The following CCBE1 variants were observed in gnomAD, a reference collection of about 807,000 sequenced individuals.
CCBE1 encodes the protein collagen and calcium-binding EGF domain-containing protein 1.
In CCBE1, 37 loss-of-function variants were observed where a neutral mutation model predicts 50.0. The ratio of observed to expected loss-of-function variants is 0.74; its 90% CI spans 0.57 to 0.97. The LOEUF is 0.97. CCBE1 is among the 50% of genes least tolerant of loss of function. The probability of loss-of-function intolerance (pLI) is 0.00; values close to 1 mark genes in which losing one functional copy is unlikely to be tolerated. For synonymous variants in CCBE1, 234 were observed against 203.7 expected (o/e 1.15, Z -1.27); for missense variants, 538 against 523.8 (o/e 1.03, Z -0.26).
At chr18:59,452,767 C>T (rs781614745) in intron 6 of CCBE1, among the ~76,000 whole-genome samples, 10 of 152,152 alleles carry the variant, frequency 6.6e-5, no homozygotes, top group African/African-American at 1.2e-4. Flanking sequence ...CTGGATATAA[C>T]GCTTTCTGGG....
rs571267258 is a variant in CCBE1, at chr18:59,575,811, T to A, written c.213-95573A>T. Among the ~76,000 whole-genome samples the A allele has an allele frequency of 2.6e-5, 4 of 152,286 alleles. No homozygotes were observed. The East Asian group carries it at 7.7e-4, about 29-fold the overall frequency. On this transcript the variant is annotated intron_variant, in intron 2 of 10. Coordinates refer to ENST00000439986, the MANE Select transcript of CCBE1 (RefSeq NM_133459.4). ...CTACAATTCTCATGCCCAGAGCAGG[T>A]CATACTGGGTAAGAGCCCCTCCCAC...
chr18:59,435,823 TC>T lies in CCBE1; in HGVS notation c.*84del. 1.7e-6 allele frequency: 2 copies of T among 1,154,472 alleles called. No individual in the cohort carries two copies. Among genetic ancestry groups the T allele is most frequent in the Non-Finnish European group, 2.6e-6 (2 of 760,994 alleles). 71.5% of individuals were successfully genotyped at this position (1,154,472 alleles called of 1,614,324 possible). A position where few individuals can be genotyped will look rare whatever the true frequency, so the allele number is the denominator to read the frequency against. ...GAGAAAAATGTATGTTTTCTAGGTC[TC>T]CAGTGGTCTTTCTTCTCTTTAGATG... On this transcript the variant is annotated 3_prime_UTR_variant, in exon 11 of 11. Coordinates refer to ENST00000439986, the MANE Select transcript of CCBE1 (RefSeq NM_133459.4).
chr18:59,696,806 C>T (rs1019464756), intron 1 of CCBE1, 97 bp from the exon 2 acceptor site: 4 of 1,320,276 alleles, frequency 3.0e-6, no homozygotes, highest in East Asian at 2.3e-5. Context: ...GATCGCCAGG[C>T]TCCCCGTCCC....
intron 2 of CCBE1, among the ~76,000 whole-genome samples, chr18:59,651,719 G>A (rs60540303): frequency 0.013 from 2,056 of 152,336 alleles, 56 homozygotes; most frequent in African/African-American, 0.047. Flanking sequence ...AACTAGTGAT[G>A]TGGCGGTGTG....
chr18:59,550,810 C>T (rs760081659), intron 2 of CCBE1, among the ~76,000 whole-genome samples: 2 of 151,738 alleles, frequency 1.3e-5, no homozygotes, highest in African/African-American at 2.4e-5. Flanking sequence ...AGGAGGATCA[C>T]GAAGTCAGGA....
At chr18:59,473,653 C>G (rs977727820) in intron 3 of CCBE1, among the ~76,000 whole-genome samples, 2 of 150,210 alleles carry the variant, frequency 1.3e-5, no homozygotes, top group African/African-American at 4.9e-5. Flanking sequence ...CCTTCCAACC[C>G]TCCCACTATT....
chr18:59,473,461 C>T (rs375137587), intron 3 of CCBE1, among the ~76,000 whole-genome samples: 3 of 152,250 alleles, frequency 2.0e-5, no homozygotes, highest in African/African-American at 7.2e-5. Flanking sequence ...AAATTAATAT[C>T]CTTCAATTCT....
At chr18:59,674,458 G>A (rs2054472672) in intron 2 of CCBE1, among the ~76,000 whole-genome samples, 1 of 152,102 alleles carries the variant, frequency 6.6e-6, no homozygotes, top group South Asian at 2.1e-4. Context: ...ATCACACACT[G>A]GGGCCTGTCG....
chr18:59,542,227 T>C (rs1915497162), intron 2 of CCBE1, among the ~76,000 whole-genome samples: 1 of 151,280 alleles, frequency 6.6e-6, no homozygotes, highest in African/African-American at 2.4e-5. Flanking sequence ...AGAACTATGC[T>C]TTCTCAGTGC....
intron 2 of CCBE1, among the ~76,000 whole-genome samples, chr18:59,657,153 G>A (rs546479802): frequency 2.0e-5 from 3 of 152,252 alleles, no homozygotes; most frequent in East Asian, 1.9e-4. Context: ...AATTGCATGC[G>A]TATGCTACAA....
At chr18:59,572,074 TGGA>T (rs1236180687) in intron 2 of CCBE1, among the ~76,000 whole-genome samples, 1 of 152,230 alleles carries the variant, frequency 6.6e-6, no homozygotes, top group African/African-American at 2.4e-5. Context: ...ACATGGTATC[TGGA>T]GAAGAAAACA....
intron 2 of CCBE1, among the ~76,000 whole-genome samples, chr18:59,632,986 C>T (rs1234060692): frequency 6.6e-6 from 1 of 152,102 alleles, no homozygotes; most frequent in East Asian, 1.9e-4. Flanking sequence ...CAGGCATTCC[C>T]TTCTGAGACT....
intron 2 of CCBE1, among the ~76,000 whole-genome samples, chr18:59,484,020 A>G (rs1912699157): frequency 6.6e-6 from 1 of 152,198 alleles, no homozygotes; most frequent in African/African-American, 2.4e-5. Context: ...AATTTTACAT[A>G]CCAAGAGAAG....
intron 6 of CCBE1, 55 bp from the exon 7 acceptor site, chr18:59,448,158 G>A (rs1312296472): frequency 1.2e-6 from 2 of 1,609,774 alleles, no homozygotes; most frequent in African/African-American, 1.3e-5. Context: ...GAGAGCCTCG[G>A]CATTTGTCTT....
At chr18:59,677,115 G>A (rs913719729) in intron 2 of CCBE1, among the ~76,000 whole-genome samples, 1 of 152,122 alleles carries the variant, frequency 6.6e-6, no homozygotes, top group African/African-American at 2.4e-5. Context: ...TCTGCTACAT[G>A]GGAATAGATT....
At position 59,437,277 on chromosome 18, in the gene CCBE1, G is replaced by A. The variant is rs575002986; in HGVS notation, c.987+834C>T. ...TGTAGTAAAATCGTTATCATCTCCC[G>A]CAACTGCTGCTACAGCAGCGGGCAC... On this transcript the variant is annotated intron_variant, in intron 10 of 10. Coordinates refer to ENST00000439986, the MANE Select transcript of CCBE1 (RefSeq NM_133459.4). 2.8e-4 allele frequency among the ~76,000 whole-genome samples: 43 copies of A among 152,240 alleles called. No individual in the cohort carries two copies. The South Asian group carries it at 8.1e-3, about 29-fold the overall frequency.
chr18:59,575,786 C>G (rs990842382), intron 2 of CCBE1, among the ~76,000 whole-genome samples: 5 of 152,224 alleles, frequency 3.3e-5, no homozygotes, highest in Non-Finnish European at 5.9e-5. Context: ...ACATTGGCAG[C>G]TACAATTCTC....
chr18:59,544,579 G>A (rs568464986), intron 2 of CCBE1, among the ~76,000 whole-genome samples: 26 of 152,076 alleles, frequency 1.7e-4, no homozygotes, highest in East Asian at 3.8e-4. Context: ...TTTCCCTTTC[G>A]AGGTCCTCTT....
At chr18:59,681,049 GAAAAAAA>G (rs34876275) in intron 2 of CCBE1, among the ~76,000 whole-genome samples, 5 of 85,502 alleles carry the variant, frequency 5.8e-5, no homozygotes, top group East Asian at 6.8e-4. Context: ...ATTTGGCTGA[GAAAAAAA>G]AAAAAAAAAA....
Sources: gnomAD v4.1 joint callset for allele counts (sites outside exome capture counted in the v4.1 genomes callset) on GRCh38, gnomAD v4.1.1 for gene constraint, MANE v1.5 for transcripts, NCBI Gene and HGNC (gene_info 2026-07-23, HGNC 2026-07-21) for gene names.